SPATA17: variants seen among roughly 807,000 people sequenced by gnomAD.
SPATA17 encodes spermatogenesis-associated protein 17.
Under a neutral mutation model 62.2 loss-of-function variants are expected in SPATA17, and 53 were observed. That is an observed-to-expected ratio of 0.85 (90% CI 0.68 to 1.07). The LOEUF (loss-of-function observed/expected upper bound fraction) is 1.07, where lower values mean the gene tolerates loss of function less well. Among genes scored for constraint, SPATA17 ranks in the 50% least tolerant of loss-of-function variants. The probability of loss-of-function intolerance (pLI) is 0.00; values close to 1 mark genes in which losing one functional copy is unlikely to be tolerated. For synonymous variants in SPATA17, 146 were observed against 146.8 expected, an observed-to-expected ratio of 0.99 and a Z score of 0.04; for missense variants, 466 against 425.5, an observed-to-expected ratio of 1.10 and a Z score of -0.84.
intron 5 of SPATA17, among the ~76,000 whole-genome samples, chr1:217,705,270 ATTTG>A (rs1184240965): frequency 5.4e-5 from 8 of 147,162 alleles, no homozygotes; most frequent in African/African-American, 1.7e-4. Flanking sequence ...TTCCTTGTTG[ATTTG>A]TTTAAGTTCC....
Position 217,870,895 on chromosome 1 carries a change from A to G in SPATA17, c.*3876A>G, listed in dbSNP as rs1430446358. ...CAACATCTAACAGAATACCTGGCATAAAGTGAAATCCATCGAATGTGCTAA... is the reference window on the plus strand; with the variant it reads ...CAACATCTAACAGAATACCTGGCATGAAGTGAAATCCATCGAATGTGCTAA... On this transcript the variant is annotated 3_prime_UTR_variant, in exon 11 of 11. Transcript: ENST00000366933. The G allele has an allele frequency of 6.6e-6, 1 of 152,210 alleles. No individual in the cohort carries two copies. The highest frequency in any genetic ancestry group is 6.5e-5 in the Admixed American group (1 of 15,268). 9.4% of individuals were successfully genotyped at this position (152,210 alleles called of 1,614,324 possible). A position where few individuals can be genotyped will look rare whatever the true frequency, so the allele number is the denominator to read the frequency against.
intron 4 of SPATA17, 44 bp downstream of exon 4, chr1:217,669,127 G>T: frequency 6.5e-7 from 1 of 1,549,504 alleles, no homozygotes. Context: ...AGTCAATTGT[G>T]CCCTGAATTC....
At chr1:217,727,249 AT>A (rs34095654) in intron 5 of SPATA17, among the ~76,000 whole-genome samples, 14,600 of 134,478 alleles carry the variant, frequency 0.11, 1,236 homozygotes, top group African/African-American at 0.23. Context: ...CTCCGTCTCA[AT>A]AATAATAATA....
intron 9 of SPATA17, among the ~76,000 whole-genome samples, chr1:217,843,932 T>C (rs958117855): frequency 6.6e-6 from 1 of 152,028 alleles, no homozygotes; most frequent in African/African-American, 2.4e-5. Flanking sequence ...TGCTGGAAAA[T>C]GGAATATAAG....
intron 9 of SPATA17, among the ~76,000 whole-genome samples, chr1:217,859,762 C>A (rs904505588): frequency 2.0e-5 from 3 of 152,050 alleles, no homozygotes; most frequent in African/African-American, 7.2e-5. Flanking sequence ...ATTTTTCAGT[C>A]CTGATATTAG....
chr1:217,854,460 C>T (rs890490369), intron 9 of SPATA17, among the ~76,000 whole-genome samples: 2 of 152,086 alleles, frequency 1.3e-5, no homozygotes, highest in South Asian at 2.1e-4. Context: ...AATAGGGTCA[C>T]TCTGAGAAGT....
chr1:217,707,487 C>T (rs1671763201), intron 5 of SPATA17, among the ~76,000 whole-genome samples: 1 of 152,130 alleles, frequency 6.6e-6, no homozygotes, highest in African/African-American at 2.4e-5. Context: ...TGAGAGAGGG[C>T]ATCCTTATCG....
chr1:217,862,925 G>C lies in SPATA17; in HGVS notation c.*2+69G>C, dbSNP rs1387831181. On this transcript the variant is annotated intron_variant, in intron 10 of 10. Coordinates refer to ENST00000366933, the MANE Select transcript of SPATA17 (RefSeq NM_138796.4). ...AACACTTAAAAAATCAAATGGGGTT[G>C]ACTTAACTATCAAGCATTTTAAAAA... 8.2e-5 allele frequency: 79 copies of C among 958,262 alleles called. No homozygotes were observed. The South Asian group carries it at 1.3e-3, about 16-fold the overall frequency. 59.4% of individuals were successfully genotyped at this position (958,262 alleles called of 1,614,324 possible).
chr1:217,815,172 T>C (rs1336406774), intron 9 of SPATA17, among the ~76,000 whole-genome samples: 1 of 152,138 alleles, frequency 6.6e-6, no homozygotes, highest in Non-Finnish European at 1.5e-5. Flanking sequence ...TTGATTTGAC[T>C]CAGACAAGAG....
At chr1:217,771,738 TGAG>T (rs1189987656) in intron 6 of SPATA17, among the ~76,000 whole-genome samples, 2 of 152,170 alleles carry the variant, frequency 1.3e-5, no homozygotes, top group East Asian at 3.9e-4. Context: ...AGAATACACA[TGAG>T]GAGGTCTCCA....
At chr1:217,785,415 A>G (rs1673836557) in intron 8 of SPATA17, among the ~76,000 whole-genome samples, 1 of 152,132 alleles carries the variant, frequency 6.6e-6, no homozygotes. Context: ...GGAAGGGTGA[A>G]GAGGAAGCAA....
chr1:217,698,763 G>A (rs1159942265), intron 5 of SPATA17, among the ~76,000 whole-genome samples: 1 of 151,934 alleles, frequency 6.6e-6, no homozygotes, highest in African/African-American at 2.4e-5. Flanking sequence ...AGTTTATGAC[G>A]TGCAGTTTCA....
chr1:217,633,994 C>T (rs768315340), intron 1 of SPATA17, among the ~76,000 whole-genome samples: 2 of 152,160 alleles, frequency 1.3e-5, no homozygotes, highest in Non-Finnish European at 2.9e-5. Flanking sequence ...AGATTTTGAA[C>T]TACAAAGAAT....
intron 5 of SPATA17, among the ~76,000 whole-genome samples, chr1:217,700,384 A>G (rs184414487): frequency 6.6e-6 from 1 of 152,282 alleles, no homozygotes; most frequent in East Asian, 1.9e-4. Flanking sequence ...TGGCCTATGT[A>G]TATATGCTTT....
intron 4 of SPATA17, 151 bp from the exon 5 acceptor site, chr1:217,683,107 T>C: frequency 2.6e-6 from 1 of 378,328 alleles, no homozygotes; most frequent in Non-Finnish European, 4.9e-6. Context: ...AGAACCTATA[T>C]TTACAACTAA....
chr1:217,793,865 C>T (rs959911257), intron 8 of SPATA17, among the ~76,000 whole-genome samples: 3 of 151,960 alleles, frequency 2.0e-5, no homozygotes, highest in Admixed American at 6.5e-5. Flanking sequence ...CCTGTAATCT[C>T]AGCACTTTGG....
intron 9 of SPATA17, among the ~76,000 whole-genome samples, chr1:217,811,850 C>A (rs183815618): frequency 6.6e-6 from 1 of 152,232 alleles, no homozygotes; most frequent in East Asian, 1.9e-4. Context: ...GACTTGCATT[C>A]AATAGGTTGC....
At chr1:217,811,294 C>T (rs1674580457) in intron 9 of SPATA17, among the ~76,000 whole-genome samples, 1 of 152,162 alleles carries the variant, frequency 6.6e-6, no homozygotes, top group South Asian at 2.1e-4. Flanking sequence ...TCCCAAAGTG[C>T]TGGGATTACA....
chr1:217,723,921 CA>C (rs1239063865), intron 5 of SPATA17, among the ~76,000 whole-genome samples: 1 of 152,230 alleles, frequency 6.6e-6, no homozygotes, highest in East Asian at 1.9e-4. Context: ...CTGCCAAGCT[CA>C]GCATGTCTGC....
Sources: allele counts gnomAD v4.1 joint callset (sites outside exome capture counted in the v4.1 genomes callset), GRCh38; gene constraint gnomAD v4.1.1; transcripts MANE v1.5; gene names NCBI Gene and HGNC (gene_info 2026-07-23, HGNC 2026-07-21).